The following TMEM108 variants were observed in gnomAD, a reference collection of about 807,000 sequenced individuals.
The protein encoded by TMEM108 is cancer/testis antigen 124.
TMEM108 carries 12 observed loss-of-function variants against 35.1 expected under a neutral mutation model. That is an observed-to-expected ratio of 0.34 (90% confidence interval 0.22 to 0.55). TMEM108 has a LOEUF of 0.55. Among genes scored for constraint, TMEM108 ranks in the 20% least tolerant of loss-of-function variants. TMEM108 has a pLI of 0.89. For missense variants in TMEM108, 680 were observed against 753.3 expected (o/e 0.90, Z 1.14); for synonymous variants, 287 against 308.6 (o/e 0.93, Z 0.73).
intron 2 of TMEM108, among the ~76,000 whole-genome samples, chr3:133,110,858 G>C (rs1219334775): frequency 1.3e-5 from 2 of 152,100 alleles, no homozygotes; most frequent in African/African-American, 4.8e-5. Context: ...TGTGCAGTAG[G>C]GGCAAATATT....
chr3:133,348,775 C>G (rs976610225), intron 3 of TMEM108, among the ~76,000 whole-genome samples: 1 of 152,080 alleles, frequency 6.6e-6, no homozygotes, highest in African/African-American at 2.4e-5. Context: ...GGAATGAGAG[C>G]CTAAGTCTTC....
At chr3:133,343,436 G>A (rs1165778109) in intron 3 of TMEM108, among the ~76,000 whole-genome samples, 1 of 151,926 alleles carries the variant, frequency 6.6e-6, no homozygotes, top group Non-Finnish European at 1.5e-5. Flanking sequence ...GCTTACAGTA[G>A]CTTTATTCTT....
At chr3:133,385,450 G>A (rs1184003280) in intron 4 of TMEM108, among the ~76,000 whole-genome samples, 3 of 152,154 alleles carry the variant, frequency 2.0e-5, no homozygotes, top group African/African-American at 7.2e-5. Flanking sequence ...CCGCCTGCCA[G>A]GCTGGTGGGT....
At chr3:133,381,838 G>A (rs1479555732) in intron 4 of TMEM108, among the ~76,000 whole-genome samples, 2 of 152,096 alleles carry the variant, frequency 1.3e-5, no homozygotes, top group Non-Finnish European at 2.9e-5. Flanking sequence ...TGAGAGTTAC[G>A]TAAACTCTAG....
chr3:133,100,030 C>G (rs1011152898), intron 2 of TMEM108, among the ~76,000 whole-genome samples: 1 of 152,046 alleles, frequency 6.6e-6, no homozygotes, highest in African/African-American at 2.4e-5. Flanking sequence ...AAGACATACC[C>G]AAAACTGGGA....
Position 133,179,369 on chromosome 3 carries a change from T to C in TMEM108, c.-46-49897T>C, listed in dbSNP as rs547557918. ...GACACATGCACACGTATGTTTATTGTGGCACTATTCACAATAGCAAAGACT... is the reference window on the plus strand; with the variant it reads ...GACACATGCACACGTATGTTTATTGCGGCACTATTCACAATAGCAAAGACT... On this transcript the variant is annotated intron_variant, in intron 2 of 5. Coordinates refer to ENST00000321871, the MANE Select transcript of TMEM108 (RefSeq NM_023943.4). Among the ~76,000 whole-genome samples, 647 of 152,122 alleles carry C rather than the reference T, an allele frequency of 4.3e-3. 3 individuals carry two copies. Among genetic ancestry groups the C allele is most frequent in the African/African-American group, 0.014 (593 of 41,500 alleles).
At chr3:133,052,484 A>T (rs1229208894) in intron 2 of TMEM108, among the ~76,000 whole-genome samples, 1 of 150,104 alleles carries the variant, frequency 6.7e-6, no homozygotes, top group African/African-American at 2.4e-5. Context: ...ATTTTAATTT[A>T]ATTTAATTTT....
At chr3:133,240,106 C>G (rs1946292479) in intron 3 of TMEM108, among the ~76,000 whole-genome samples, 1 of 152,122 alleles carries the variant, frequency 6.6e-6, no homozygotes. Context: ...TTTTATAAGA[C>G]TTTTTTTCTT....
chr3:133,267,166 T>C lies in TMEM108; in HGVS notation c.40+37815T>C, dbSNP rs145935547. Among the ~76,000 whole-genome samples, 358 of 152,218 alleles carry C rather than the reference T, an allele frequency of 2.4e-3. 2 individuals are homozygous for C. Among genetic ancestry groups the C allele is most frequent in the African/African-American group, 7.9e-3 (328 of 41,518 alleles). ...CTAGTGCAATTGACTCGTTCATTTA[T>C]TTATTCCAACATGTAGTGAGTGCCT... On this transcript the variant is annotated intron_variant, in intron 3 of 5. Coordinates refer to ENST00000321871, the MANE Select transcript of TMEM108 (RefSeq NM_023943.4).
At chr3:133,324,942 C>T (rs890957422) in intron 3 of TMEM108, among the ~76,000 whole-genome samples, 6 of 152,172 alleles carry the variant, frequency 3.9e-5, no homozygotes, top group Admixed American at 6.5e-5. Flanking sequence ...CACCACTACA[C>T]TCCAGCTTGG....
chr3:133,341,039 A>G (rs1303930140), intron 3 of TMEM108, among the ~76,000 whole-genome samples: 1 of 151,898 alleles, frequency 6.6e-6, no homozygotes, highest in Non-Finnish European at 1.5e-5. Flanking sequence ...GTTATTCAAC[A>G]TAGCAGTGGA....
chr3:133,293,453 A>G (rs1169455864), intron 3 of TMEM108, among the ~76,000 whole-genome samples: 5 of 151,412 alleles, frequency 3.3e-5, no homozygotes, highest in African/African-American at 1.2e-4. Flanking sequence ...GTTGGCTATT[A>G]AATGAATGAG....
chr3:133,043,300 T>C (rs1428604462), intron 1 of TMEM108, among the ~76,000 whole-genome samples: 1 of 152,184 alleles, frequency 6.6e-6, no homozygotes, highest in African/African-American at 2.4e-5. Context: ...AAAAGAGGTC[T>C]GTGGCACACA....
chr3:133,177,995 C>T (rs1559858309), intron 2 of TMEM108, among the ~76,000 whole-genome samples: 3 of 152,304 alleles, frequency 2.0e-5, no homozygotes, highest in Non-Finnish European at 2.9e-5. Flanking sequence ...GTGCAAAAAT[C>T]ACAAGCATTC....
At chr3:133,201,097 A>G (rs1945657047) in intron 2 of TMEM108, among the ~76,000 whole-genome samples, 1 of 152,208 alleles carries the variant, frequency 6.6e-6, no homozygotes, top group Non-Finnish European at 1.5e-5. Context: ...TGCAGCAGTC[A>G]AGACACATGA....
chr3:133,185,039 C>T (rs1002682382), intron 2 of TMEM108, among the ~76,000 whole-genome samples: 1 of 152,166 alleles, frequency 6.6e-6, no homozygotes, highest in Non-Finnish European at 1.5e-5. Flanking sequence ...TTTAGTGGAA[C>T]ACTGATTTTT....
intron 2 of TMEM108, among the ~76,000 whole-genome samples, chr3:133,178,000 G>C (rs1945264509): frequency 6.6e-6 from 1 of 152,262 alleles, no homozygotes; most frequent in South Asian, 2.1e-4. Flanking sequence ...AAAATCACAA[G>C]CATTCTTATA....
At chr3:133,356,249 G>C (rs1463177622) in intron 3 of TMEM108, among the ~76,000 whole-genome samples, 1 of 134,906 alleles carries the variant, frequency 7.4e-6, no homozygotes, top group Non-Finnish European at 1.7e-5. Context: ...GAAAACCCTA[G>C]GAATATACTT....
Position 133,370,919 on chromosome 3 carries a change from T to TGTGTGTGC in TMEM108, c.41-8830_41-8829insTGTGCGTG, listed in dbSNP as rs528508777. ...GTGTGTGTGTGTGTGTGTGTGTGTG[T>TGTGTGTGC]GTGCCAGGAAGCTTCATGGCCCTCC... On this transcript the variant is annotated intron_variant, in intron 3 of 5. Coordinates refer to ENST00000321871, the MANE Select transcript of TMEM108 (RefSeq NM_023943.4). 8.8e-5 allele frequency among the ~76,000 whole-genome samples: 12 copies of TGTGTGTGC among 136,788 alleles called. No homozygotes were observed. The East Asian group carries it at 2.0e-3, about 23-fold the overall frequency. 89.7% of individuals were successfully genotyped at this position (136,788 alleles called of 152,430 possible).
Sources: allele counts gnomAD v4.1 joint callset (sites outside exome capture counted in the v4.1 genomes callset), GRCh38; gene constraint gnomAD v4.1.1; transcripts MANE v1.5; gene names NCBI Gene and HGNC (gene_info 2026-07-23, HGNC 2026-07-21).